Variants in NR3C2 observed in about 807,000 individuals in gnomAD.
The protein encoded by NR3C2 is nuclear receptor subfamily 3 group C member 2.
Under a neutral mutation model 86.4 loss-of-function variants are expected in NR3C2, and 15 were observed. The ratio of observed to expected loss-of-function variants is 0.17; its 90% CI spans 0.12 to 0.27. The LOEUF (loss-of-function observed/expected upper bound fraction) is 0.27. NR3C2 is among the 10% of genes least tolerant of loss of function. The probability of loss-of-function intolerance (pLI) is 1.00; values close to 1 mark genes in which losing one functional copy is unlikely to be tolerated. For missense variants in NR3C2, 960 were observed against 1,195.6 expected (o/e 0.80, Z 2.91); for synonymous variants, 458 against 450.5 (o/e 1.02, Z -0.21).
At chr4:148,303,900 CT>C in intron 2 of NR3C2, among the ~76,000 whole-genome samples, 1 of 151,644 alleles carries the variant, frequency 6.6e-6, no homozygotes, top group Non-Finnish European at 1.5e-5. Context: ...CTAGATCCCC[CT>C]GTTAACATGG....
At chr4:148,322,412 C>G (rs1259214922) in intron 2 of NR3C2, among the ~76,000 whole-genome samples, 1 of 114,650 alleles carries the variant, frequency 8.7e-6, no homozygotes, top group Non-Finnish European at 1.8e-5. Flanking sequence ...TTTCCTGAAT[C>G]TGAACGTTGG....
At chr4:148,090,513 A>C (rs1391094184) in intron 8 of NR3C2, among the ~76,000 whole-genome samples, 1 of 152,220 alleles carries the variant, frequency 6.6e-6, no homozygotes, top group Non-Finnish European at 1.5e-5. Context: ...AGGAACAAGT[A>C]AGTCGACCCT....
intron 6 of NR3C2, among the ~76,000 whole-genome samples, chr4:148,135,768 C>G (rs1390890538): frequency 1.3e-5 from 2 of 151,888 alleles, no homozygotes; most frequent in African/African-American, 4.8e-5. Context: ...TAAAAAACAA[C>G]AAAAACGGCC....
intron 3 of NR3C2, among the ~76,000 whole-genome samples, chr4:148,253,390 T>C (rs114900189): frequency 0.012 from 1,858 of 152,290 alleles, 23 homozygotes; most frequent in Non-Finnish European, 0.021. Context: ...TGGTGAATCA[T>C]CAAAGTAACT....
At chr4:148,259,433 G>C (rs1416234141) in intron 3 of NR3C2, among the ~76,000 whole-genome samples, 1 of 126,340 alleles carries the variant, frequency 7.9e-6, no homozygotes, top group East Asian at 2.8e-4. Flanking sequence ...ATCTCAGTCA[G>C]GTTTTTCATT....
At chr4:148,180,937 T>C (rs2149791297) in intron 4 of NR3C2, among the ~76,000 whole-genome samples, 1 of 152,272 alleles carries the variant, frequency 6.6e-6, no homozygotes, top group East Asian at 1.9e-4. Flanking sequence ...CCTCTTCCCC[T>C]AGTTGCCTTC....
At chr4:148,336,298 A>G (rs1460773477) in intron 2 of NR3C2, among the ~76,000 whole-genome samples, 1 of 152,174 alleles carries the variant, frequency 6.6e-6, no homozygotes, top group Non-Finnish European at 1.5e-5. Flanking sequence ...AAAGGGCTAC[A>G]TGCTAGGATT....
At position 148,102,122 on chromosome 4, in the gene NR3C2, G is replaced by T. The variant is rs559444640; in HGVS notation, c.2799+11982C>A. The stretch of plus-strand genomic sequence containing the variant: ...CACACTCTCTTTTCTGGCTTGTCCT[G>T]AATGTCCCCATTCTGCCTCCTTTTC... On this transcript the variant is annotated intron_variant, in intron 8 of 8. Transcript: ENST00000358102. Among the ~76,000 whole-genome samples the T allele has an allele frequency of 1.4e-4, 22 of 152,266 alleles. No homozygotes were observed. The South Asian group carries it at 3.7e-3, about 26-fold the overall frequency.
At chr4:148,359,521 A>T (rs112754075) in intron 2 of NR3C2, among the ~76,000 whole-genome samples, 3 of 152,204 alleles carry the variant, frequency 2.0e-5, no homozygotes, top group African/African-American at 7.2e-5. Context: ...AGGGATAAAC[A>T]AATGAATATC....
intron 3 of NR3C2, among the ~76,000 whole-genome samples, chr4:148,214,192 T>C (rs1273759329): frequency 6.6e-6 from 1 of 152,212 alleles, no homozygotes; most frequent in Non-Finnish European, 1.5e-5. Flanking sequence ...TATTGAGAAG[T>C]GCAGAAGAAA....
chr4:148,324,283 T>C (rs1261566506), intron 2 of NR3C2, among the ~76,000 whole-genome samples: 2 of 152,154 alleles, frequency 1.3e-5, no homozygotes, highest in Non-Finnish European at 2.9e-5. Flanking sequence ...ATCCATGTTG[T>C]CGCAAATGGC....
chr4:148,412,841 A>C (rs1512330), intron 2 of NR3C2, among the ~76,000 whole-genome samples: 3,115 of 151,022 alleles, frequency 0.021, 85 homozygotes, highest in African/African-American at 0.066. Context: ...ACACACACAC[A>C]CCCCTTAGTT....
At chr4:148,342,749 TTTATC>T (rs1187700894) in intron 2 of NR3C2, among the ~76,000 whole-genome samples, 4 of 152,138 alleles carry the variant, frequency 2.6e-5, no homozygotes, top group Non-Finnish European at 4.4e-5. Flanking sequence ...GTGAAAATTT[TTTATC>T]TTATTTCTAA....
intron 8 of NR3C2, among the ~76,000 whole-genome samples, chr4:148,107,985 C>T (rs1731880400): frequency 6.6e-6 from 1 of 152,114 alleles, no homozygotes; most frequent in Non-Finnish European, 1.5e-5. Context: ...GCACATTCTG[C>T]ACATGTATCC....
intron 8 of NR3C2, among the ~76,000 whole-genome samples, chr4:148,088,854 G>A (rs1730937797): frequency 6.6e-6 from 1 of 152,138 alleles, no homozygotes; most frequent in African/African-American, 2.4e-5. Flanking sequence ...CACTACCATT[G>A]CACAGCAAGA....
In NR3C2 at chr4:148,203,592, G is replaced by A. The variant is rs17024479; in HGVS notation, c.1898-8730C>T. On this transcript the variant is annotated intron_variant, in intron 3 of 8. Transcript: ENST00000358102. ...CGAACAACCTGGGAAACAGATTAGA[G>A]CAGCCCCAGCAAATTCCCGCATTGC... 5.7e-3 allele frequency among the ~76,000 whole-genome samples: 859 copies of A among 152,024 alleles called. 8 individuals carry two copies. Among genetic ancestry groups the A allele is most frequent in the African/African-American group, 0.019 (791 of 41,466 alleles).
At chr4:148,396,605 C>T (rs1224352491) in intron 2 of NR3C2, among the ~76,000 whole-genome samples, 2 of 152,108 alleles carry the variant, frequency 1.3e-5, no homozygotes, top group African/African-American at 4.8e-5. Context: ...ACCTTCATAC[C>T]ATGACTTGGG....
At position 148,117,728 on chromosome 4, in the gene NR3C2, C is replaced by T. The variant is rs116836588; in HGVS notation, c.2641+2430G>A. 4.3e-3 allele frequency among the ~76,000 whole-genome samples: 655 copies of T among 152,284 alleles called. 6 individuals are homozygous for T. Among genetic ancestry groups the T allele is most frequent in the African/African-American group, 0.015 (622 of 41,554 alleles). On this transcript the variant is annotated intron_variant, in intron 7 of 8. Transcript: ENST00000358102. The stretch of plus-strand genomic sequence containing the variant: ...CACTACCTGATTCCAGCTTACTTTC[C>T]GTAGACCCAGTCCTCTCTGCTGGAA...
intron 2 of NR3C2, among the ~76,000 whole-genome samples, chr4:148,323,763 A>G (rs1371729573): frequency 3.3e-5 from 5 of 151,774 alleles, no homozygotes; most frequent in Admixed American, 6.6e-5. Context: ...GCACCCACTG[A>G]CCTGTGCCCA....
Sources: allele counts gnomAD v4.1 joint callset (sites outside exome capture counted in the v4.1 genomes callset), GRCh38; gene constraint gnomAD v4.1.1; transcripts MANE v1.5; gene names NCBI Gene and HGNC (gene_info 2026-07-23, HGNC 2026-07-21).